The following ADCY8 variants were observed in gnomAD, a reference collection of about 807,000 sequenced individuals.
ADCY8 encodes the protein adenylate cyclase 8.
ADCY8 carries 51 observed loss-of-function variants against 119.7 expected under a neutral mutation model. The ratio of observed to expected loss-of-function variants is 0.43; its 90% CI spans 0.34 to 0.54. The LOEUF (loss-of-function observed/expected upper bound fraction) is 0.54. Among genes scored for constraint, ADCY8 ranks in the 20% least tolerant of loss-of-function variants. The probability of loss-of-function intolerance (pLI) is 0.03; values close to 1 mark genes in which losing one functional copy is unlikely to be tolerated. For missense variants in ADCY8, 1,383 were observed against 1,598.8 expected (o/e 0.87, Z 2.30); for synonymous variants, 665 against 651.0 (o/e 1.02, Z -0.33).
intron 8 of ADCY8, among the ~76,000 whole-genome samples, chr8:130,870,226 C>T (rs1357993702): frequency 6.6e-6 from 1 of 151,704 alleles, no homozygotes; most frequent in African/African-American, 2.4e-5. Flanking sequence ...GTTGACCAGG[C>T]TGGTCTCAAA....
chr8:130,789,540 A>G (rs1341182354), intron 15 of ADCY8, among the ~76,000 whole-genome samples: 1 of 131,742 alleles, frequency 7.6e-6, no homozygotes. Flanking sequence ...ACACTAGGTG[A>G]TATTTGGATG....
At chr8:130,916,810 A>G (rs111568329) in intron 5 of ADCY8, among the ~76,000 whole-genome samples, 9,953 of 152,306 alleles carry the variant, frequency 0.065, 432 homozygotes, top group Non-Finnish European at 0.1. Flanking sequence ...TATAGAAACA[A>G]TGCTAATGAT....
chr8:130,912,158 A>G (rs1586564067), intron 5 of ADCY8, among the ~76,000 whole-genome samples: 1 of 152,172 alleles, frequency 6.6e-6, no homozygotes, highest in Admixed American at 6.5e-5. Context: ...AAGTCTGACT[A>G]TGTACCCTTC....
chr8:130,781,287 A>G (rs945130613), intron 17 of ADCY8, among the ~76,000 whole-genome samples: 16 of 152,170 alleles, frequency 1.1e-4, no homozygotes, highest in African/African-American at 3.9e-4. Flanking sequence ...GTGCTCTGAG[A>G]GCCTGCACAG....
At chr8:130,831,449 A>G (rs1015932670) in intron 12 of ADCY8, among the ~76,000 whole-genome samples, 1 of 152,204 alleles carries the variant, frequency 6.6e-6, no homozygotes, top group Non-Finnish European at 1.5e-5. Context: ...AAAATGAGGA[A>G]TGGCCAAAGA....
At chr8:130,875,657 C>A (rs1374413797) in intron 8 of ADCY8, among the ~76,000 whole-genome samples, 1 of 152,156 alleles carries the variant, frequency 6.6e-6, no homozygotes, top group African/African-American at 2.4e-5. Context: ...TTATACTAAT[C>A]ATTACAACTC....
chr8:131,015,689 A>T (rs1044658306), intron 1 of ADCY8, among the ~76,000 whole-genome samples: 1 of 152,088 alleles, frequency 6.6e-6, no homozygotes, highest in South Asian at 2.1e-4. Flanking sequence ...GTATCTAGTG[A>T]TTTATTTAAA....
Position 131,039,673 on chromosome 8 carries a change from C to A in ADCY8, c.661G>T (p.Gly221Cys). The A allele has an allele frequency of 6.2e-7, 1 of 1,614,124 alleles. No homozygotes were observed. Among genetic ancestry groups the A allele is most frequent in the Non-Finnish European group, 8.5e-7 (1 of 1,180,024 alleles). The part of the protein sequence containing the change: ...LKGILLGFFT[G>C]IEVVICALVV... ...AGGGCGCAGATCACTACCTCAATGCCGGTGAAGAAGCCCAGCAGGATGCCC... is the reference window on the plus strand; with the variant it reads ...AGGGCGCAGATCACTACCTCAATGCAGGTGAAGAAGCCCAGCAGGATGCCC... Residue 221 changes from glycine to cysteine, a missense_variant, in exon 1 of 18, where the codon GGC becomes TGC. This residue lies in a region of ADCY8 where 455 missense variants were observed against 435.3 expected (regional missense o/e 1.05). Transcript: ENST00000286355.
chr8:130,957,827 G>A (rs1311441981), intron 2 of ADCY8, among the ~76,000 whole-genome samples: 4 of 152,224 alleles, frequency 2.6e-5, no homozygotes, highest in South Asian at 2.1e-4. Context: ...TTGAGCCTGC[G>A]ATTACATAGA....
intron 12 of ADCY8, among the ~76,000 whole-genome samples, chr8:130,830,429 C>T (rs947042317): frequency 2.0e-5 from 3 of 152,106 alleles, no homozygotes; most frequent in Non-Finnish European, 4.4e-5. Flanking sequence ...AATCTGTGAG[C>T]CCTATGTAAA....
intron 4 of ADCY8, among the ~76,000 whole-genome samples, chr8:130,942,620 G>A (rs923881073): frequency 3.3e-5 from 5 of 152,156 alleles, no homozygotes; most frequent in African/African-American, 9.7e-5. Context: ...AACTCCCACC[G>A]ATGTGGTCTT....
intron 2 of ADCY8, among the ~76,000 whole-genome samples, chr8:130,968,312 G>A (rs1203990294): frequency 6.6e-6 from 1 of 152,056 alleles, no homozygotes; most frequent in Non-Finnish European, 1.5e-5. Context: ...TGGGACTACA[G>A]GCGCCCACCA....
Position 130,943,403 on chromosome 8 carries a change from T to C in ADCY8, c.1301A>G (p.Glu434Gly). Residue 434 changes from glutamate to glycine, a missense_variant, in exon 4 of 18, where the codon GAG becomes GGG. Glu to Gly is a moderately conservative substitution (Grantham distance 98). Coordinates refer to ENST00000286355, the MANE Select transcript of ADCY8 (RefSeq NM_001115.3). ...TNLSTTLSAQ[E>G]LVRMLNELFA... ...GAGCTCGTTGAGCATCCTGACCAGCTCCTGAGCAGACAAGGTCGTGGAGAG... is the reference window on the plus strand; with the variant it reads ...GAGCTCGTTGAGCATCCTGACCAGCCCCTGAGCAGACAAGGTCGTGGAGAG... The C allele has an allele frequency of 6.2e-7, 1 of 1,606,012 alleles. No homozygotes were observed. Among genetic ancestry groups the C allele is most frequent in the Non-Finnish European group, 8.5e-7 (1 of 1,179,104 alleles).
intron 12 of ADCY8, among the ~76,000 whole-genome samples, chr8:130,823,090 T>C (rs1816570435): frequency 6.6e-6 from 1 of 151,958 alleles, no homozygotes; most frequent in Admixed American, 6.6e-5. Context: ...TGGATATCCT[T>C]TGCTTTGCCA....
intron 5 of ADCY8, among the ~76,000 whole-genome samples, chr8:130,917,781 G>A (rs1481543223): frequency 6.6e-6 from 1 of 151,958 alleles, no homozygotes; most frequent in Non-Finnish European, 1.5e-5. Flanking sequence ...GTGTGTGTGT[G>A]TGTGTGTGTG....
chr8:130,809,416 G>A (rs1021264905), intron 14 of ADCY8, among the ~76,000 whole-genome samples: 3 of 152,160 alleles, frequency 2.0e-5, no homozygotes, highest in African/African-American at 7.2e-5. Context: ...TTGTCTCTTT[G>A]TACTTATGAT....
At chr8:130,858,900 ATGTGTGTG>A (rs139305903) in intron 9 of ADCY8, among the ~76,000 whole-genome samples, 5 of 148,808 alleles carry the variant, frequency 3.4e-5, no homozygotes, top group Middle Eastern at 3.4e-3. Context: ...TATCATGTAT[ATGTGTGTG>A]TGTGTGTGTG....
intron 5 of ADCY8, among the ~76,000 whole-genome samples, chr8:130,927,095 C>T (rs775694880): frequency 6.6e-6 from 1 of 152,058 alleles, no homozygotes; most frequent in African/African-American, 2.4e-5. Flanking sequence ...GATTTCATTT[C>T]CTTTGCATAA....
intron 5 of ADCY8, among the ~76,000 whole-genome samples, chr8:130,923,598 T>C (rs973533518): frequency 6.6e-6 from 1 of 152,198 alleles, no homozygotes; most frequent in African/African-American, 2.4e-5. Context: ...TTAATAAACA[T>C]TGCATATGAC....
Sources: gnomAD v4.1 joint callset for allele counts (sites outside exome capture counted in the v4.1 genomes callset) on GRCh38, gnomAD v4.1.1 for gene constraint, gnomAD v4.1.1 regional missense constraint, MANE v1.5 for transcripts, NCBI Gene and HGNC (gene_info 2026-07-23, HGNC 2026-07-21) for gene names.